The following B4GALT6 variants were observed in gnomAD, a reference collection of about 807,000 sequenced individuals.
B4GALT6 encodes the protein beta-1,4-galactosyltransferase 6.
B4GALT6 carries 14 observed loss-of-function variants against 46.3 expected under a neutral mutation model. The ratio of observed to expected loss-of-function variants is 0.30; its 90% CI spans 0.20 to 0.47. The LOEUF is 0.47. Ranked by LOEUF, B4GALT6 falls within the 20% of genes least tolerant of loss-of-function variation. The pLI is 0.99. For missense variants in B4GALT6, 386 were observed against 480.1 expected (o/e 0.80, Z 1.83); for synonymous variants, 168 against 162.0 (o/e 1.04, Z -0.28).
At chr18:31,664,367 G>A (rs866805413) in intron 2 of B4GALT6, among the ~76,000 whole-genome samples, 3 of 152,134 alleles carry the variant, frequency 2.0e-5, no homozygotes, top group Non-Finnish European at 4.4e-5. Flanking sequence ...AATCCCTAAT[G>A]TATACAATGA....
chr18:31,632,511 G>A (rs1034587758), intron 5 of B4GALT6, among the ~76,000 whole-genome samples: 14 of 152,002 alleles, frequency 9.2e-5, no homozygotes, highest in African/African-American at 3.4e-4. Flanking sequence ...ATTTATTCCG[G>A]TATTTATCTA....
intron 1 of B4GALT6, among the ~76,000 whole-genome samples, chr18:31,678,431 C>T (rs1051954659): frequency 3.3e-5 from 5 of 151,812 alleles, no homozygotes; most frequent in Non-Finnish European, 7.4e-5. Context: ...CTCGTCTATA[C>T]AGTATTCCTT....
chr18:31,652,553 T>C lies in B4GALT6; in HGVS notation c.346+5423A>G, dbSNP rs1598897295. Reference sequence around the variant, plus strand: ...CTTCTTCCCCTCTCACTTCCTCTGATGTTCAGTCCGGATCTCTTACTAAAG... The same window carrying C: ...CTTCTTCCCCTCTCACTTCCTCTGACGTTCAGTCCGGATCTCTTACTAAAG... On this transcript the variant is annotated intron_variant, in intron 3 of 8. Transcript: ENST00000306851. Among the ~76,000 whole-genome samples, 3 of 152,290 alleles carry C rather than the reference T, an allele frequency of 2.0e-5. No individual in the cohort carries two copies. In the East Asian group the frequency reaches 5.8e-4, roughly 29 times the overall value.
chr18:31,645,589 C>T, intron 3 of B4GALT6, 110 bp from the exon 4 acceptor site: 4 of 1,066,860 alleles, frequency 3.7e-6, no homozygotes, highest in Non-Finnish European at 5.2e-6. Flanking sequence ...CAGGACAATA[C>T]AGTTTACTCC....
At chr18:31,709,188 C>A in the B4GALT6 span, among the ~76,000 whole-genome samples, 1 of 151,898 alleles carries the variant, frequency 6.6e-6, no homozygotes, top group African/African-American at 2.4e-5. Flanking sequence ...TCGTAACCAA[C>A]CCCATTTCAG....
At chr18:31,667,984 C>T (rs1391974650) in intron 1 of B4GALT6, among the ~76,000 whole-genome samples, 1 of 151,908 alleles carries the variant, frequency 6.6e-6, no homozygotes, top group East Asian at 1.9e-4. Flanking sequence ...GTAACCCCAG[C>T]TACTCAGGAG....
intron 5 of B4GALT6, among the ~76,000 whole-genome samples, chr18:31,636,320 A>G (rs1249408190): frequency 6.6e-6 from 1 of 152,248 alleles, no homozygotes; most frequent in Non-Finnish European, 1.5e-5. Flanking sequence ...AAAACAGTCA[A>G]AAGAATAAAA....
the B4GALT6 span, among the ~76,000 whole-genome samples, chr18:31,696,455 T>G: frequency 6.6e-6 from 1 of 152,244 alleles, no homozygotes; most frequent in Non-Finnish European, 1.5e-5. Flanking sequence ...TTCATTGCCT[T>G]TTCTTCTTTT....
At chr18:31,717,667 G>A in the B4GALT6 span, among the ~76,000 whole-genome samples, 1 of 152,060 alleles carries the variant, frequency 6.6e-6, no homozygotes, top group Non-Finnish European at 1.5e-5. Context: ...AAAAAAATAT[G>A]ATATTGGCGG....
intron 1 of B4GALT6, among the ~76,000 whole-genome samples, chr18:31,673,955 C>T (rs1400925885): frequency 2.0e-5 from 3 of 152,086 alleles, no homozygotes; most frequent in African/African-American, 4.8e-5. Context: ...CACACACACA[C>T]GAAGGCAATG....
chr18:31,681,800 T>C (rs1020162006), intron 1 of B4GALT6, among the ~76,000 whole-genome samples: 6 of 152,172 alleles, frequency 3.9e-5, no homozygotes, highest in Non-Finnish European at 7.4e-5. Context: ...GTAGGATTAA[T>C]AGGAATTTCT....
intron 6 of B4GALT6, among the ~76,000 whole-genome samples, chr18:31,629,447 ATTTTTTTTTTTTTTT>A (rs869030382): frequency 0.01 from 335 of 32,890 alleles, 2 homozygotes; most frequent in African/African-American, 0.029. Context: ...GCCCTTTATG[ATTTTTTTTTTTTTTT>A]TTTTTTTTTT....
chr18:31,690,373 C>T (rs1277053345), upstream of B4GALT6, among the ~76,000 whole-genome samples: 7 of 151,724 alleles, frequency 4.6e-5, no homozygotes, highest in East Asian at 1.2e-3. Flanking sequence ...TCAGGTGATC[C>T]GCCTGCCTCA....
intron 5 of B4GALT6, among the ~76,000 whole-genome samples, chr18:31,636,588 T>C (rs972043797): frequency 2.0e-5 from 3 of 152,224 alleles, no homozygotes; most frequent in Admixed American, 1.3e-4. Context: ...AGACAAACCA[T>C]ACCAAGTGCT....
At chr18:31,643,545 C>T (rs1013331846) in intron 4 of B4GALT6, among the ~76,000 whole-genome samples, 1 of 152,208 alleles carries the variant, frequency 6.6e-6, no homozygotes, top group Admixed American at 6.5e-5. Context: ...GTGATCTGCC[C>T]ACCTCAGCCT....
rs1394938866 is a variant in B4GALT6, at chr18:31,623,631, T to C, written c.*1983A>G. 1 of 152,382 alleles carries C rather than the reference T, an allele frequency of 6.6e-6. No homozygotes were observed. Among genetic ancestry groups the C allele is most frequent in the Non-Finnish European group, 1.5e-5 (1 of 67,844 alleles). The allele number at this position is 152,382 out of a possible 1,614,324, so 9.4% of individuals were successfully genotyped here. A position where few individuals can be genotyped will look rare whatever the true frequency, so the allele number is the denominator to read the frequency against. Reference sequence around the variant, plus strand: ...ATACACAAATGAAGTACAAATATCATAATTTTCAGAAGGTTTGATTTTTCG... The same window carrying C: ...ATACACAAATGAAGTACAAATATCACAATTTTCAGAAGGTTTGATTTTTCG... On this transcript the variant is annotated 3_prime_UTR_variant, in exon 9 of 9. Coordinates refer to ENST00000306851, the MANE Select transcript of B4GALT6 (RefSeq NM_004775.5).
chr18:31,677,274 A>G (rs1023733937), intron 1 of B4GALT6, among the ~76,000 whole-genome samples: 9 of 152,320 alleles, frequency 5.9e-5, no homozygotes, highest in East Asian at 1.9e-4. Flanking sequence ...TGACATAAAC[A>G]TCCTTTAAGC....
rs141729397 is a variant in B4GALT6, at chr18:31,627,194, T to C, written c.777-73A>G. ...CCCATGTGAAATGAAGGTTTCAGCC[T>C]TTTATGTGCTTTGCAAAATATGCCC... On this transcript the variant is annotated intron_variant, in intron 6 of 8. Transcript: ENST00000306851. The C allele has an allele frequency of 1.9e-4, 257 of 1,345,016 alleles. No homozygotes were observed. The African/African-American group carries it at 3.3e-3, about 17-fold the overall frequency. The allele number at this position is 1,345,016 out of a possible 1,614,324, so 83.3% of individuals were successfully genotyped here. A position where few individuals can be genotyped will look rare whatever the true frequency, so the allele number is the denominator to read the frequency against.
the B4GALT6 span, among the ~76,000 whole-genome samples, chr18:31,698,189 A>G: frequency 6.6e-6 from 1 of 152,288 alleles, no homozygotes; most frequent in East Asian, 1.9e-4. Flanking sequence ...TCAGCTGTAT[A>G]TTTAATTCAA....
Sources: allele counts gnomAD v4.1 joint callset (sites outside exome capture counted in the v4.1 genomes callset), GRCh38; gene constraint gnomAD v4.1.1; transcripts MANE v1.5; gene names NCBI Gene and HGNC (gene_info 2026-07-23, HGNC 2026-07-21).